The following ABI3BP variants were observed in gnomAD, a reference collection of about 807,000 sequenced individuals.
ABI3BP encodes the protein ABI family member 3 binding protein.
In ABI3BP, 216 loss-of-function variants were observed where a neutral mutation model predicts 268.6. The ratio of observed to expected loss-of-function variants is 0.80; its 90% CI spans 0.72 to 0.90. The LOEUF (loss-of-function observed/expected upper bound fraction) is 0.90. Among genes scored for constraint, ABI3BP ranks in the 40% least tolerant of loss-of-function variants. The pLI is 0.00. For synonymous variants in ABI3BP, 730 were observed against 730.0 expected (o/e 1.00, Z 0.00); for missense variants, 2,090 against 2,182.4 (o/e 0.96, Z 0.84).
chr3:100,839,966 C>A, intron 23 of ABI3BP, 106 bp downstream of exon 23: 1 of 888,748 alleles, frequency 1.1e-6, no homozygotes, highest in Non-Finnish European at 1.8e-6. Flanking sequence ...TTATAAAAGT[C>A]AATTCCACTG....
chr3:100,991,530 C>CTT (rs2092916157), intron 1 of ABI3BP, among the ~76,000 whole-genome samples: 1 of 152,162 alleles, frequency 6.6e-6, no homozygotes, highest in African/African-American at 2.4e-5. Flanking sequence ...CCCTTCCACC[C>CTT]TCACCCCAAA....
intron 6 of ABI3BP, among the ~76,000 whole-genome samples, chr3:100,878,755 C>T (rs1000249306): frequency 1.4e-4 from 20 of 145,624 alleles, no homozygotes; most frequent in Non-Finnish European, 2.5e-4. Flanking sequence ...CACGAGCCCA[C>T]CTTAAGAGAA....
At chr3:100,846,577 G>A in intron 19 of ABI3BP, 131 bp from the exon 20 acceptor site, 5 of 585,362 alleles carry the variant, frequency 8.5e-6, no homozygotes, top group East Asian at 5.9e-5. Flanking sequence ...GGAAGATTTT[G>A]GAAATATTCC....
chr3:100,772,120 TA>T (rs1043428710), intron 61 of ABI3BP, among the ~76,000 whole-genome samples: 47 of 152,170 alleles, frequency 3.1e-4, no homozygotes, highest in Non-Finnish European at 5.9e-4. Context: ...ATTATTGAAA[TA>T]AAAGACATCA....
At chr3:100,968,768 C>T (rs528091872) in intron 1 of ABI3BP, among the ~76,000 whole-genome samples, 2 of 152,210 alleles carry the variant, frequency 1.3e-5, no homozygotes, top group South Asian at 4.1e-4. Flanking sequence ...TATACACGTG[C>T]TATGGTGGTT....
chr3:100,834,369 G>A (rs112879805), intron 29 of ABI3BP, among the ~76,000 whole-genome samples: 3 of 152,172 alleles, frequency 2.0e-5, no homozygotes, highest in South Asian at 2.1e-4. Flanking sequence ...CGTTCAAAAT[G>A]TGTGACAGGT....
At chr3:100,839,760 T>C in intron 23 of ABI3BP, 144 bp from the exon 24 acceptor site, 1 of 920,108 alleles carries the variant, frequency 1.1e-6, no homozygotes, top group Admixed American at 2.0e-5. Context: ...CCATTTTCCT[T>C]TCTCCTTGTT....
At chr3:100,854,258 G>A (rs1019837754) in intron 14 of ABI3BP, among the ~76,000 whole-genome samples, 3 of 151,586 alleles carry the variant, frequency 2.0e-5, no homozygotes, top group Non-Finnish European at 2.9e-5. Context: ...CCAGCTACTC[G>A]GGAGGCACGA....
intron 1 of ABI3BP, among the ~76,000 whole-genome samples, chr3:100,942,955 T>C (rs965216039): frequency 9.2e-5 from 14 of 152,228 alleles, no homozygotes; most frequent in African/African-American, 3.4e-4. Flanking sequence ...AAATTTCCTA[T>C]CATGAGACTT....
chr3:100,765,808 CA>C, intron 63 of ABI3BP, 32 bp downstream of exon 63: 2 of 1,491,884 alleles, frequency 1.3e-6, no homozygotes, highest in Non-Finnish European at 1.9e-6. Flanking sequence ...TTTGCACTCT[CA>C]GAATTTACCT....
At chr3:100,965,449 A>AT (rs1285048627) in intron 1 of ABI3BP, among the ~76,000 whole-genome samples, 9 of 152,072 alleles carry the variant, frequency 5.9e-5, no homozygotes, top group African/African-American at 2.2e-4. Flanking sequence ...AGTACATCCT[A>AT]TTAAATTTGT....
At chr3:100,800,515 C>T (rs980011263) in intron 51 of ABI3BP, among the ~76,000 whole-genome samples, 1 of 152,118 alleles carries the variant, frequency 6.6e-6, no homozygotes, top group Non-Finnish European at 1.5e-5. Flanking sequence ...ACTCTGTCAC[C>T]CAGGCTGGAG....
In ABI3BP at chr3:100,902,189, G is replaced by A. The variant is rs149166710; in HGVS notation, c.328+429C>T. ...GTAAACAGTCTCCTTAAGAAAAGGTGAGACATAAAATTTTGCCCTTAACAT... is the reference window on the plus strand; with the variant it reads ...GTAAACAGTCTCCTTAAGAAAAGGTAAGACATAAAATTTTGCCCTTAACAT... On this transcript the variant is annotated intron_variant, in intron 3 of 67. Coordinates refer to ENST00000471714, the MANE Select transcript of ABI3BP (RefSeq NM_001375547.2). Among the ~76,000 whole-genome samples the A allele has an allele frequency of 4.2e-3, 647 of 152,268 alleles. 3 individuals carry two copies. Among genetic ancestry groups the A allele is most frequent in the African/African-American group, 0.014 (600 of 41,542 alleles).
chr3:100,857,027 A>G (rs1281331054), intron 14 of ABI3BP, among the ~76,000 whole-genome samples: 5 of 142,738 alleles, frequency 3.5e-5, no homozygotes. Context: ...GGGTAATAGG[A>G]CATTAGGCTA....
intron 44 of ABI3BP, among the ~76,000 whole-genome samples, chr3:100,814,977 C>T (rs191413204): frequency 3.9e-5 from 6 of 152,186 alleles, no homozygotes; most frequent in African/African-American, 1.4e-4. Context: ...AAATGATATT[C>T]AAGCTTATTG....
rs777939684 is a variant in ABI3BP at position 100,752,802 on chromosome 3, T to C, written c.5107A>G (p.Ser1703Gly). 6.2e-7 allele frequency: 1 copy of C among 1,613,108 alleles called. No individual in the cohort carries two copies. The highest frequency in any genetic ancestry group is 8.5e-7 in the Non-Finnish European group (1 of 1,179,616). The change falls in exon 66 of 68, where the codon AGC becomes GGC. Residue 1703 changes from serine to glycine, a missense_variant. Coordinates refer to ENST00000471714, the MANE Select transcript of ABI3BP (RefSeq NM_001375547.2). ...CNSLRYKIYL[S>G]DSLTGKFYNI... ...CTCTGCTTACCTGTGAGGGAGTCGC[T>C]CAAGTAAATCTTGTATCTGAGAGAG...
chr3:100,805,294 A>G (rs985604962), intron 50 of ABI3BP, among the ~76,000 whole-genome samples: 5 of 152,072 alleles, frequency 3.3e-5, no homozygotes, highest in African/African-American at 9.7e-5. Context: ...GAACATGGAT[A>G]TGCTTGAAGT....
chr3:100,959,184 T>C (rs1466033913), intron 1 of ABI3BP, among the ~76,000 whole-genome samples: 3 of 152,092 alleles, frequency 2.0e-5, no homozygotes. Flanking sequence ...ACCCAGAACA[T>C]TGAGCCTCCT....
intron 1 of ABI3BP, 64 bp from the exon 2 acceptor site, chr3:100,926,545 C>G: frequency 6.8e-7 from 1 of 1,468,074 alleles, no homozygotes; most frequent in Non-Finnish European, 9.5e-7. Flanking sequence ...TACCCAACTT[C>G]CCAGCAAGTG....
Sources: gnomAD v4.1 joint callset for allele counts (sites outside exome capture counted in the v4.1 genomes callset) on GRCh38, gnomAD v4.1.1 for gene constraint, MANE v1.5 for transcripts, NCBI Gene and HGNC (gene_info 2026-07-23, HGNC 2026-07-21) for gene names.